BRWD1: variants seen among roughly 807,000 people sequenced by gnomAD.
BRWD1 encodes the protein bromodomain and WD repeat-containing protein 1.
In BRWD1, 82 loss-of-function variants were observed where a neutral mutation model predicts 251.2. The observed-to-expected ratio is 0.33, with a 90% CI of 0.27 to 0.39. The LOEUF (loss-of-function observed/expected upper bound fraction) is 0.39. Among genes scored for constraint, BRWD1 ranks in the 10% least tolerant of loss-of-function variants. BRWD1 has a pLI of 1.00. For synonymous variants in BRWD1, 918 were observed against 902.8 expected (o/e 1.02, Z -0.30); for missense variants, 2,233 against 2,711.6 (o/e 0.82, Z 3.92).
Position 39,190,238 on chromosome 21 carries a change from TAATTTTTAAGCTACC to T in BRWD1, c.*6006_*6020del. The T allele has an allele frequency of 1.0e-6, 1 of 974,128 alleles. No individual in the cohort carries two copies. The highest frequency in any genetic ancestry group is 1.2e-6 in the Non-Finnish European group (1 of 819,828). 60.3% of individuals were successfully genotyped at this position (974,128 alleles called of 1,614,324 possible). A position where few individuals can be genotyped will look rare whatever the true frequency, so the allele number is the denominator to read the frequency against. Reference sequence around the variant, plus strand: ...ATCATATTCTAATTAGACTTTTTTTTAATTTTTAAGCTACCTTATTTACAGATTCTGCACAATATT... The same window carrying T: ...ATCATATTCTAATTAGACTTTTTTTTTTATTTACAGATTCTGCACAATATT... On this transcript the variant is annotated 3_prime_UTR_variant, in exon 41 of 41. Coordinates refer to ENST00000342449, the MANE Select transcript of BRWD1 (RefSeq NM_033656.4).
At chr21:39,311,088 A>C (rs2036467376) in intron 4 of BRWD1, among the ~76,000 whole-genome samples, 1 of 150,766 alleles carries the variant, frequency 6.6e-6, no homozygotes, top group Non-Finnish European at 1.5e-5. Flanking sequence ...CCATATTATC[A>C]CAGAATTTAA....
At chr21:39,306,048 T>C (rs180799556) in intron 4 of BRWD1, among the ~76,000 whole-genome samples, 186 of 151,412 alleles carry the variant, frequency 1.2e-3, no homozygotes, top group African/African-American at 4.2e-3. Flanking sequence ...AAACAAAGAA[T>C]TGAGACTAGT....
At chr21:39,238,645 C>A in intron 21 of BRWD1, 72 bp from the exon 22 acceptor site, 2 of 929,888 alleles carry the variant, frequency 2.2e-6, no homozygotes, top group South Asian at 1.4e-5. Context: ...AAAAGCTGTA[C>A]ACAATCCTCC....
chr21:39,287,705 T>C (rs78585659), intron 8 of BRWD1, among the ~76,000 whole-genome samples: 53 of 152,376 alleles, frequency 3.5e-4, no homozygotes, highest in African/African-American at 1.2e-3. Context: ...CTGGCTTTGT[T>C]GATCCTCACT....
chr21:39,313,589 GC>G lies in BRWD1; in HGVS notation c.-99del. On this transcript the variant is annotated 5_prime_UTR_variant, in exon 1 of 41. The change abolishes the stop of an existing upstream ORF in the 5' untranslated region. Coordinates refer to ENST00000342449, the MANE Select transcript of BRWD1 (RefSeq NM_033656.4). Reference sequence around the variant, plus strand: ...GCTGGCGTCCCCTCTTCTCAGGCGCGCGCCGCCGCCGCCGCCGCCGCCGCCA... The same window carrying G: ...GCTGGCGTCCCCTCTTCTCAGGCGCGGCCGCCGCCGCCGCCGCCGCCGCCA... 1.5e-6 allele frequency: 1 copy of G among 650,036 alleles called. No individual in the cohort carries two copies. The highest frequency in any genetic ancestry group is 5.2e-5 in the South Asian group (1 of 19,200). The allele number at this position is 650,036 out of a possible 1,614,324, so 40.3% of individuals were successfully genotyped here.
intron 21 of BRWD1, among the ~76,000 whole-genome samples, chr21:39,247,289 T>C (rs1281945830): frequency 1.3e-5 from 2 of 152,336 alleles, no homozygotes; most frequent in Middle Eastern, 3.4e-3. Context: ...ACAGGTTATA[T>C]ACCCCTTATC....
At chr21:39,253,149 T>C (rs2034450302) in intron 19 of BRWD1, among the ~76,000 whole-genome samples, 1 of 151,714 alleles carries the variant, frequency 6.6e-6, no homozygotes, top group Admixed American at 6.6e-5. Flanking sequence ...ATTAGCCGGG[T>C]GTGGTGACCC....
At position 39,189,555 on chromosome 21, in the gene BRWD1, G is replaced by T. The variant is rs1188158053; in HGVS notation, c.*6704C>A. 4 of 984,056 alleles carry T rather than the reference G, an allele frequency of 4.1e-6. No individual in the cohort carries two copies. Among genetic ancestry groups the T allele is most frequent in the Non-Finnish European group, 4.8e-6 (4 of 828,934 alleles). The allele number at this position is 984,056 out of a possible 1,614,324, so 61.0% of individuals were successfully genotyped here. On this transcript the variant is annotated 3_prime_UTR_variant, in exon 41 of 41. Transcript: ENST00000342449. ...TGAACTTCAGTAACTATGCCCAAGG[G>T]AGGGAGAATTTGAATTACACTGTAC...
At chr21:39,307,658 T>C (rs1294579009) in intron 4 of BRWD1, among the ~76,000 whole-genome samples, 5 of 152,216 alleles carry the variant, frequency 3.3e-5, no homozygotes, top group African/African-American at 1.2e-4. Flanking sequence ...TTATAGGCTA[T>C]GACTTGGAAC....
intron 5 of BRWD1, chr21:39,297,009 T>C (rs1056543503): frequency 2.0e-6 from 2 of 985,300 alleles, no homozygotes; most frequent in African/African-American, 3.5e-5. Flanking sequence ...TAGCTTTCCC[T>C]TCATTGTAGG....
Position 39,313,449 on chromosome 21 carries a change from CGAT to C in BRWD1, c.40_42del (p.Ile14del), listed in dbSNP as rs2146822591. ...GCACGGCCTCGCGTCTTACCCGACT[CGAT>C]GAGAGGCACCGGGCGTCGGGCGGAC... On this transcript the variant is annotated inframe_deletion, in exon 1 of 41. Coordinates refer to ENST00000342449, the MANE Select transcript of BRWD1 (RefSeq NM_033656.4). 1 of 1,360,298 alleles carries C rather than the reference CGAT, an allele frequency of 7.4e-7. No individual in the cohort carries two copies. Among genetic ancestry groups the C allele is most frequent in the Non-Finnish European group, 9.4e-7 (1 of 1,060,602 alleles). 84.3% of individuals were successfully genotyped at this position (1,360,298 alleles called of 1,614,324 possible).
rs191851570 is a variant in BRWD1 at position 39,266,875 on chromosome 21, A to G, written c.1531-1856T>C. Among the ~76,000 whole-genome samples the G allele has an allele frequency of 4.1e-3, 626 of 152,332 alleles. 4 individuals carry two copies. The highest frequency in any genetic ancestry group is 0.014 in the African/African-American group (594 of 41,588). On this transcript the variant is annotated intron_variant, in intron 15 of 40. Transcript: ENST00000342449. ...GCCAATTTTGGCTATGCAACTGGAA[A>G]TAAGATCATTGTTGCCCACGTGAAA...
At chr21:39,209,929 T>G in intron 36 of BRWD1, 66 bp downstream of exon 36, 1 of 1,486,460 alleles carries the variant, frequency 6.7e-7, no homozygotes, top group Non-Finnish European at 9.2e-7. Context: ...AAAAAATTAC[T>G]ATTACATTGG....
chr21:39,302,754 TAAAA>T (rs11320601), intron 4 of BRWD1, among the ~76,000 whole-genome samples: 1 of 122,616 alleles, frequency 8.2e-6, no homozygotes. Context: ...GACTCCGTCT[TAAAA>T]AAAAAAAAAA....
intron 22 of BRWD1, among the ~76,000 whole-genome samples, chr21:39,237,149 G>A (rs2033839356): frequency 1.3e-5 from 2 of 151,910 alleles, no homozygotes; most frequent in East Asian, 1.9e-4. Context: ...CCCAAAAATA[G>A]GCCCCACCAC....
chr21:39,286,470 A>C (rs1330502239), intron 8 of BRWD1, among the ~76,000 whole-genome samples: 1 of 152,136 alleles, frequency 6.6e-6, no homozygotes, highest in Non-Finnish European at 1.5e-5. Context: ...GATTTTAAGT[A>C]GGCAACCAAA....
intron 36 of BRWD1, among the ~76,000 whole-genome samples, chr21:39,209,577 G>GTTC: frequency 6.6e-6 from 1 of 152,214 alleles, no homozygotes; most frequent in East Asian, 1.9e-4. Flanking sequence ...AAATCCAAAT[G>GTTC]TTCTTATGCT....
At chr21:39,232,115 G>C in intron 25 of BRWD1, 62 bp downstream of exon 25, 1 of 1,235,302 alleles carries the variant, frequency 8.1e-7, no homozygotes, top group Non-Finnish European at 1.2e-6. Flanking sequence ...AAATAGATTT[G>C]TAAGTAATTT....
At chr21:39,274,609 C>T (rs1568940204) in intron 12 of BRWD1, 137 bp from the exon 13 acceptor site, 2 of 740,872 alleles carry the variant, frequency 2.7e-6, no homozygotes, top group Non-Finnish European at 4.4e-6. Context: ...ATTCAAAAGA[C>T]AAGGTATTTA....
Sources: gnomAD v4.1 joint callset for allele counts (sites outside exome capture counted in the v4.1 genomes callset) on GRCh38, gnomAD v4.1.1 for gene constraint, MANE v1.5 for transcripts, NCBI Gene and HGNC (gene_info 2026-07-23, HGNC 2026-07-21) for gene names.